The following G2E3 variants were observed in gnomAD, a reference collection of about 807,000 sequenced individuals.
G2E3 encodes G2/M-phase specific E3 ubiquitin protein ligase, also known as G2/M phase-specific E3 ubiquitin-protein ligase.
G2E3 carries 35 observed loss-of-function variants against 92.8 expected under a neutral mutation model. That is an observed-to-expected ratio of 0.38 (90% CI 0.29 to 0.50). The LOEUF is 0.50. G2E3 is among the 20% of genes least tolerant of loss of function. The pLI, the probability that G2E3 is intolerant of heterozygous loss-of-function variation, is 0.94. For synonymous variants in G2E3, 242 were observed against 272.4 expected (o/e 0.89, Z 1.10); for missense variants, 554 against 823.8 (o/e 0.67, Z 4.01).
At chr14:30,580,217 T>G (rs1330342588) in intron 1 of G2E3, among the ~76,000 whole-genome samples, 1 of 152,160 alleles carries the variant, frequency 6.6e-6, no homozygotes, top group Non-Finnish European at 1.5e-5. Context: ...TTTTTGTTGT[T>G]GTTTTTGAGA....
intron 6 of G2E3, among the ~76,000 whole-genome samples, chr14:30,596,565 C>G: frequency 6.6e-6 from 1 of 152,158 alleles, no homozygotes; most frequent in East Asian, 1.9e-4. Context: ...TGGCAAACCT[C>G]TATTTCTTCT....
intron 1 of G2E3, chr14:30,560,731 C>T (rs753866355): frequency 2.9e-6 from 2 of 693,388 alleles, no homozygotes; most frequent in South Asian, 1.5e-5. Context: ...ATTGTGTATA[C>T]ACTACCTTGA....
At chr14:30,566,201 C>T (rs1049373184) in intron 1 of G2E3, among the ~76,000 whole-genome samples, 1 of 152,120 alleles carries the variant, frequency 6.6e-6, no homozygotes, top group Non-Finnish European at 1.5e-5. Flanking sequence ...TTTGAATCCT[C>T]CAACTTTTTC....
intron 10 of G2E3, chr14:30,602,817 G>T (rs1881636087): frequency 6.6e-6 from 1 of 152,040 alleles, no homozygotes; most frequent in South Asian, 2.1e-4. Flanking sequence ...TTGCTATGTT[G>T]CCCAGACTGG....
At chr14:30,604,662 A>G (rs879461988) in intron 10 of G2E3, among the ~76,000 whole-genome samples, 4 of 152,204 alleles carry the variant, frequency 2.6e-5, no homozygotes, top group African/African-American at 7.2e-5. Flanking sequence ...TATTTTAGGA[A>G]TTGTGAATTC....
At chr14:30,577,847 G>A (rs1880204918) in intron 1 of G2E3, 2 of 152,182 alleles carry the variant, frequency 1.3e-5, no homozygotes, top group Admixed American at 6.5e-5. Flanking sequence ...TCAAGTAGAG[G>A]TAAGCAGTGG....
chr14:30,615,863 TAAACTA>T lies in G2E3; in HGVS notation c.1864+327_1864+332del, dbSNP rs1882289316. On this transcript the variant is annotated intron_variant, in intron 14 of 14. Coordinates refer to ENST00000206595, the MANE Select transcript of G2E3 (RefSeq NM_017769.5). ...TATTTCATCATTTTCAATTTGAAGTTAAACTAAATTATTCTTCACCCACTGGTCAGG... is the reference window on the plus strand; with the variant it reads ...TATTTCATCATTTTCAATTTGAAGTTAATTATTCTTCACCCACTGGTCAGG... 4.6e-5 allele frequency among the ~76,000 whole-genome samples: 7 copies of T among 152,310 alleles called. No individual in the cohort carries two copies. In the East Asian group the frequency reaches 1.2e-3, roughly 25 times the overall value.
chr14:30,565,560 G>T (rs1324293034), intron 1 of G2E3, among the ~76,000 whole-genome samples: 1 of 147,464 alleles, frequency 6.8e-6, no homozygotes, highest in Non-Finnish European at 1.5e-5. Context: ...TCATTTAAGA[G>T]ATTTATAGTT....
Position 30,620,016 on chromosome 14 carries a change from A to G in G2E3, c.*3482A>G, listed in dbSNP as rs996047925. 2.0e-5 allele frequency: 3 copies of G among 152,248 alleles called. No individual in the cohort carries two copies. Among genetic ancestry groups the G allele is most frequent in the Non-Finnish European group, 2.9e-5 (2 of 68,030 alleles). 9.4% of individuals were successfully genotyped at this position (152,248 alleles called of 1,614,324 possible). ...GAGGGAATCTGTGTTAAAACTATGT[A>G]TCCTCTAATGTAAAATAGCTTACCA... On this transcript the variant is annotated 3_prime_UTR_variant, in exon 15 of 15. Coordinates refer to ENST00000206595, the MANE Select transcript of G2E3 (RefSeq NM_017769.5).
chr14:30,604,098 C>G (rs1458866190), intron 10 of G2E3, among the ~76,000 whole-genome samples: 1 of 152,144 alleles, frequency 6.6e-6, no homozygotes, highest in Non-Finnish European at 1.5e-5. Context: ...AGACGCTACA[C>G]CAGGGAAGCT....
At chr14:30,599,676 C>G (rs1881468843) in intron 8 of G2E3, among the ~76,000 whole-genome samples, 1 of 152,058 alleles carries the variant, frequency 6.6e-6, no homozygotes, top group Non-Finnish European at 1.5e-5. Flanking sequence ...CTTACATGAC[C>G]AAATAACTTA....
intron 2 of G2E3, among the ~76,000 whole-genome samples, chr14:30,585,041 G>T (rs1880631878): frequency 1.3e-5 from 2 of 151,870 alleles, no homozygotes; most frequent in Non-Finnish European, 2.9e-5. Context: ...TCACCATGTT[G>T]GGCAGGCTGG....
In G2E3 at chr14:30,617,392, G is replaced by A. The variant is rs2138927817; in HGVS notation, c.*858G>A. 1 of 151,900 alleles carries A rather than the reference G, an allele frequency of 6.6e-6. No individual in the cohort carries two copies. Among genetic ancestry groups the A allele is most frequent in the African/African-American group, 2.4e-5 (1 of 41,344 alleles). 9.4% of individuals were successfully genotyped at this position (151,900 alleles called of 1,614,324 possible). A position where few individuals can be genotyped will look rare whatever the true frequency, so the allele number is the denominator to read the frequency against. ...TCTTTAAAGCCTTGGCTTTAATCAT[G>A]GGAAATTGTTGTTGTTGTTGTTGTT... On this transcript the variant is annotated 3_prime_UTR_variant, in exon 15 of 15. Coordinates refer to ENST00000206595, the MANE Select transcript of G2E3 (RefSeq NM_017769.5).
chr14:30,589,284 A>T, intron 3 of G2E3, 99 bp from the exon 4 acceptor site: 1 of 677,152 alleles, frequency 1.5e-6, no homozygotes, highest in East Asian at 2.5e-5. Flanking sequence ...GAGCCATTTT[A>T]TGTCTGTTTT....
intron 2 of G2E3, 134 bp from the exon 3 acceptor site, chr14:30,586,584 G>A: frequency 2.5e-6 from 1 of 399,074 alleles, no homozygotes; most frequent in Non-Finnish European, 4.5e-6. Context: ...GAAATTTTAA[G>A]TTACTGATAT....
intron 1 of G2E3, chr14:30,574,710 A>G (rs1045459960): frequency 1.7e-4 from 26 of 152,330 alleles, no homozygotes; most frequent in African/African-American, 5.8e-4. Context: ...TGTGCTAAGG[A>G]TAATAGCCTC....
intron 1 of G2E3, among the ~76,000 whole-genome samples, chr14:30,562,850 G>GTC (rs1053077570): frequency 5.3e-5 from 8 of 152,174 alleles, no homozygotes; most frequent in Non-Finnish European, 8.8e-5. Context: ...GGTGTAAGCT[G>GTC]TCTCTCTCTC....
chr14:30,594,337 A>G (rs1881164171), intron 6 of G2E3, among the ~76,000 whole-genome samples: 1 of 152,190 alleles, frequency 6.6e-6, no homozygotes, highest in Non-Finnish European at 1.5e-5. Context: ...AAAGTTTATT[A>G]TTGTTTATTA....
chr14:30,583,694 A>G (rs1212606504), intron 2 of G2E3, among the ~76,000 whole-genome samples: 1 of 152,234 alleles, frequency 6.6e-6, no homozygotes, highest in African/African-American at 2.4e-5. Context: ...GAAGTAATGC[A>G]TATGATAATT....
Sources: allele counts gnomAD v4.1 joint callset (sites outside exome capture counted in the v4.1 genomes callset), GRCh38; gene constraint gnomAD v4.1.1; transcripts MANE v1.5; gene names NCBI Gene and HGNC (gene_info 2026-07-23, HGNC 2026-07-21).